The following GPD2 variants were observed in gnomAD, a reference collection of about 807,000 sequenced individuals.
The protein encoded by GPD2 is glycerol-3-phosphate dehydrogenase, mitochondrial.
A neutral mutation model predicts 82.4 loss-of-function variants in GPD2; 54 were observed. The observed-to-expected ratio is 0.66, with a 90% CI of 0.53 to 0.82. The LOEUF is 0.82. Ranked by LOEUF, GPD2 falls within the 40% of genes least tolerant of loss-of-function variation. GPD2 has a pLI of 0.00. For missense variants in GPD2, 748 were observed against 896.2 expected, an observed-to-expected ratio of 0.83 and a Z score of 2.11; for synonymous variants, 288 against 306.1, an observed-to-expected ratio of 0.94 and a Z score of 0.62.
rs969725120 is a variant in GPD2, at chr2:156,512,458, C to G, written c.497+141C>G. 12 of 681,940 alleles carry G rather than the reference C, an allele frequency of 1.8e-5. No homozygotes were observed. The African/African-American group carries it at 2.1e-4, about 12-fold the overall frequency. 42.2% of individuals were successfully genotyped at this position (681,940 alleles called of 1,614,324 possible). Reference sequence around the variant, plus strand: ...ATCTTTAATCCTTTTGAAGTATTTTCCTTTGTTGTATTTAAAAGTATGGCT... The same window carrying G: ...ATCTTTAATCCTTTTGAAGTATTTTGCTTTGTTGTATTTAAAAGTATGGCT... On this transcript the variant is annotated intron_variant, in intron 5 of 16. Coordinates refer to ENST00000438166, the MANE Select transcript of GPD2 (RefSeq NM_000408.5).
chr2:156,410,710 A>G, the GPD2 span, among the ~76,000 whole-genome samples: 2 of 152,160 alleles, frequency 1.3e-5, no homozygotes, highest in African/African-American at 2.4e-5. Context: ...AGTTTTACTC[A>G]TGTATGGCAA....
chr2:156,473,979 G>GT (rs1683419671), intron 1 of GPD2, among the ~76,000 whole-genome samples: 1 of 152,120 alleles, frequency 6.6e-6, no homozygotes, highest in African/African-American at 2.4e-5. Flanking sequence ...CAGTAAAGAA[G>GT]AGACCTCCAG....
chr2:156,577,426 G>T (rs551019663), intron 13 of GPD2, among the ~76,000 whole-genome samples: 10 of 152,228 alleles, frequency 6.6e-5, no homozygotes, highest in South Asian at 2.1e-4. Context: ...GGTAGAAGCT[G>T]CAGTGAGCCA....
At chr2:156,566,480 C>G (rs1687395583) in intron 9 of GPD2, among the ~76,000 whole-genome samples, 1 of 152,062 alleles carries the variant, frequency 6.6e-6, no homozygotes, top group Non-Finnish European at 1.5e-5. Flanking sequence ...CAATATTTGT[C>G]CTCTTGTGAC....
intron 1 of GPD2, among the ~76,000 whole-genome samples, chr2:156,457,648 T>G (rs926125838): frequency 4.6e-5 from 7 of 152,128 alleles, no homozygotes; most frequent in Non-Finnish European, 7.4e-5. Flanking sequence ...AACCTGTGAG[T>G]GTTAAGTGTA....
intron 6 of GPD2, among the ~76,000 whole-genome samples, chr2:156,520,264 G>GTT: frequency 6.6e-6 from 1 of 152,216 alleles, no homozygotes; most frequent in East Asian, 1.9e-4. Flanking sequence ...GGGATATGAA[G>GTT]TTCTCATTTA....
chr2:156,535,575 T>C (rs1488750659), intron 6 of GPD2, among the ~76,000 whole-genome samples: 7 of 151,752 alleles, frequency 4.6e-5, no homozygotes, highest in Admixed American at 4.6e-4. Flanking sequence ...TGTTGTTTTT[T>C]TTTGTTTTGT....
intron 1 of GPD2, among the ~76,000 whole-genome samples, chr2:156,454,173 CAT>C (rs1211934220): frequency 6.6e-6 from 1 of 152,142 alleles, no homozygotes; most frequent in Non-Finnish European, 1.5e-5. Context: ...TTTGACAACT[CAT>C]GTGAAATGGT....
At chr2:156,407,944 ATTTTT>A in the GPD2 span, among the ~76,000 whole-genome samples, 6 of 56,476 alleles carry the variant, frequency 1.1e-4, no homozygotes, top group Admixed American at 2.8e-4. Context: ...CCATGCTGTA[ATTTTT>A]TTTTTTTTTT....
intron 1 of GPD2, among the ~76,000 whole-genome samples, chr2:156,466,073 A>G (rs1226083669): frequency 2.0e-5 from 3 of 152,182 alleles, no homozygotes; most frequent in Non-Finnish European, 4.4e-5. Flanking sequence ...GAATGCTTCA[A>G]GTTTTCACTT....
intron 6 of GPD2, among the ~76,000 whole-genome samples, chr2:156,531,106 C>T (rs1006992206): frequency 3.3e-5 from 5 of 152,190 alleles, no homozygotes; most frequent in African/African-American, 1.2e-4. Context: ...TGCGATTAAA[C>T]ACTTCACTCA....
At chr2:156,510,364 T>C (rs570273202) in intron 3 of GPD2, among the ~76,000 whole-genome samples, 1 of 152,214 alleles carries the variant, frequency 6.6e-6, no homozygotes, top group East Asian at 1.9e-4. Flanking sequence ...TTATTCATGA[T>C]GCATGCATTA....
chr2:156,551,328 A>G (rs974454099), intron 8 of GPD2, among the ~76,000 whole-genome samples: 2 of 152,232 alleles, frequency 1.3e-5, no homozygotes, highest in Admixed American at 6.5e-5. Flanking sequence ...AAAATCATTT[A>G]AGCTGGGTGA....
chr2:156,483,442 C>T (rs1683808785), intron 2 of GPD2, among the ~76,000 whole-genome samples: 1 of 152,206 alleles, frequency 6.6e-6, no homozygotes, highest in African/African-American at 2.4e-5. Context: ...TCAGTATCTG[C>T]TTTACTTCTT....
chr2:156,455,543 C>T (rs1286883722), intron 1 of GPD2, among the ~76,000 whole-genome samples: 1 of 152,154 alleles, frequency 6.6e-6, no homozygotes, highest in African/African-American at 2.4e-5. Context: ...CTCATTCCAC[C>T]CTATGCCCTA....
At chr2:156,520,560 GTTAT>G (rs148048031) in intron 6 of GPD2, among the ~76,000 whole-genome samples, 49,217 of 143,692 alleles carry the variant, frequency 0.34, 8,508 homozygotes, top group South Asian at 0.44. Context: ...TATTTTTATT[GTTAT>G]TTATTTATTT....
intron 3 of GPD2, among the ~76,000 whole-genome samples, chr2:156,510,506 C>G (rs889050725): frequency 1.3e-5 from 2 of 152,198 alleles, no homozygotes; most frequent in Admixed American, 6.5e-5. Flanking sequence ...TCTCCTTTGA[C>G]CTTCTAAGTG....
intron 1 of GPD2, among the ~76,000 whole-genome samples, chr2:156,444,851 C>A (rs1240309153): frequency 6.6e-6 from 1 of 152,176 alleles, no homozygotes; most frequent in Non-Finnish European, 1.5e-5. Context: ...TCCTACGTCA[C>A]GCGATTCTTC....
chr2:156,496,015 C>A, intron 2 of GPD2, 29 bp from the exon 3 acceptor site: 1 of 1,576,282 alleles, frequency 6.3e-7, no homozygotes, highest in Middle Eastern at 2.0e-4. Context: ...TCCAAATGGA[C>A]AACTGAAAGT....
Sources: allele counts gnomAD v4.1 joint callset (sites outside exome capture counted in the v4.1 genomes callset), GRCh38; gene constraint gnomAD v4.1.1; transcripts MANE v1.5; gene names NCBI Gene and HGNC (gene_info 2026-07-23, HGNC 2026-07-21).